Variants in CENPE observed in about 807,000 individuals in gnomAD.
CENPE encodes the protein centromere protein E.
In CENPE, 145 loss-of-function variants were observed where a neutral mutation model predicts 336.1. The ratio of observed to expected loss-of-function variants is 0.43; its 90% CI spans 0.38 to 0.50. The LOEUF is 0.50. Ranked by LOEUF, CENPE falls within the 20% of genes least tolerant of loss-of-function variation. CENPE has a pLI of 0.00. For missense variants in CENPE, 2,719 were observed against 3,023.3 expected, an observed-to-expected ratio of 0.90 and a Z score of 2.36; for synonymous variants, 1,013 against 984.8, an observed-to-expected ratio of 1.03 and a Z score of -0.54.
intron 24 of CENPE, among the ~76,000 whole-genome samples, chr4:103,154,674 A>G (rs1437636360): frequency 3.3e-5 from 5 of 152,198 alleles, no homozygotes; most frequent in African/African-American, 1.2e-4. Context: ...TTTATTTCAA[A>G]TCTGAACTCA....
rs755694872 is a variant in CENPE at position 103,174,872 on chromosome 4, C to A, written c.1511G>T (p.Arg504Leu). 6.7e-7 allele frequency: 1 copy of A among 1,498,338 alleles called. No individual in the cohort carries two copies. The highest frequency in any genetic ancestry group is 1.4e-5 in the South Asian group (1 of 73,062). The allele number at this position is 1,498,338 out of a possible 1,614,324, so 92.8% of individuals were successfully genotyped here. ...TAATACCAGATTATCATAGTCAGCA[C>A]GAAGTGAGTTCAACTCACTTTCTAT... ...ENIESELNSLRADYDNLVLDY... is the reference protein window; with the variant it reads ...ENIESELNSLLADYDNLVLDY... Residue 504 changes from arginine to leucine, a missense_variant, in exon 16 of 49, where the codon CGT becomes CTT. This residue lies in a region of CENPE where 2,437 missense variants were observed against 2,513.3 expected (regional missense o/e 0.97). Transcript: ENST00000265148.
intron 8 of CENPE, among the ~76,000 whole-genome samples, chr4:103,186,138 C>T (rs775703108): frequency 2.6e-5 from 4 of 152,154 alleles, no homozygotes; most frequent in Non-Finnish European, 5.9e-5. Flanking sequence ...TATAAGCTGG[C>T]ACTTGCACTG....
At chr4:103,176,862 ATAAT>A (rs777271862) in intron 14 of CENPE, 33 bp downstream of exon 14, 1 of 1,481,056 alleles carries the variant, frequency 6.8e-7, no homozygotes, top group East Asian at 2.3e-5. Flanking sequence ...GGATGCTTTT[ATAAT>A]TAAACATAGT....
At position 103,175,992 on chromosome 4, in the gene CENPE, C is replaced by T; in HGVS notation, c.1447G>A (p.Glu483Lys). 6.2e-7 allele frequency: 1 copy of T among 1,606,232 alleles called. No homozygotes were observed. Among genetic ancestry groups the T allele is most frequent in the Non-Finnish European group, 8.5e-7 (1 of 1,175,566 alleles). The change falls in exon 15 of 49, where the codon GAA becomes AAA. Residue 483 changes from glutamate (E) to lysine (K), a missense_variant. Glu to Lys is a moderately conservative substitution (Grantham distance 56). Coordinates refer to ENST00000265148, the MANE Select transcript of CENPE (RefSeq NM_001813.3). ...SNTLDTLSEI[E>K]WNPATKLLNQ... ...AGTAGCTTTGTTGCTGGATTCCATT[C>T]TATCTCACTTAATGTATCAAGAGTG... is the stretch of plus-strand genomic sequence containing the variant.
intron 1 of CENPE, among the ~76,000 whole-genome samples, chr4:103,197,800 TA>T (rs145696074): frequency 1.3e-5 from 2 of 151,516 alleles, no homozygotes; most frequent in Non-Finnish European, 2.9e-5. Flanking sequence ...ACAAAGTCAC[TA>T]AAAAAAAATT....
chr4:103,118,832 G>A (rs1169547471), intron 44 of CENPE, among the ~76,000 whole-genome samples: 4 of 152,146 alleles, frequency 2.6e-5, no homozygotes, highest in African/African-American at 9.7e-5. Flanking sequence ...AGAAATGAGA[G>A]TTCTTAAAAT....
chr4:103,178,267 C>A (rs1019845050), intron 13 of CENPE, among the ~76,000 whole-genome samples: 1 of 152,100 alleles, frequency 6.6e-6, no homozygotes, highest in African/African-American at 2.4e-5. Context: ...GACCGGCTGA[C>A]AAGATAAACT....
intron 25 of CENPE, 64 bp from the exon 26 acceptor site, chr4:103,151,441 A>T (rs1753562759): frequency 8.3e-7 from 1 of 1,208,558 alleles, no homozygotes; most frequent in Non-Finnish European, 1.1e-6. Flanking sequence ...AATCAGGTAA[A>T]ACATCAGCAT....
chr4:103,196,727 CA>C (rs755336122), intron 2 of CENPE, 31 bp downstream of exon 2: 1 of 998,846 alleles, frequency 1.0e-6, no homozygotes, highest in Non-Finnish European at 1.6e-6. Flanking sequence ...AAAAGGATAA[CA>C]AGGTAACTTT....
chr4:103,111,742 C>T (rs1749449588), intron 46 of CENPE, among the ~76,000 whole-genome samples: 9 of 151,916 alleles, frequency 5.9e-5, no homozygotes, highest in Admixed American at 5.2e-4. Flanking sequence ...ATCCTCACTT[C>T]TATTTTTACC....
intron 13 of CENPE, 59 bp downstream of exon 13, chr4:103,180,252 T>G: frequency 6.8e-7 from 1 of 1,476,494 alleles, no homozygotes; most frequent in Non-Finnish European, 9.3e-7. Flanking sequence ...AATAAACATA[T>G]AGAAATACCA....
chr4:103,178,171 ATG>A (rs1404571232), intron 13 of CENPE, among the ~76,000 whole-genome samples: 2 of 151,594 alleles, frequency 1.3e-5, no homozygotes, highest in Non-Finnish European at 2.9e-5. Context: ...TGTCCCTTAC[ATG>A]TACCCTACAC....
chr4:103,148,259 G>A (rs1452328327), intron 28 of CENPE, among the ~76,000 whole-genome samples: 1 of 152,162 alleles, frequency 6.6e-6, no homozygotes, highest in Non-Finnish European at 1.5e-5. Flanking sequence ...AGCTATAAGA[G>A]AAAAACCATA....
intron 11 of CENPE, 141 bp from the exon 12 acceptor site, chr4:103,181,597 AC>A: frequency 1.7e-6 from 1 of 598,464 alleles, no homozygotes; most frequent in Admixed American, 4.1e-5. Context: ...AACAAAGGGA[AC>A]ATTCTATGTC....
intron 44 of CENPE, 148 bp from the exon 45 acceptor site, chr4:103,116,837 T>C (rs1578543686): frequency 2.1e-6 from 1 of 478,848 alleles, no homozygotes; most frequent in East Asian, 3.6e-5. Context: ...CAATTTTAAC[T>C]GAATAACTAG....
intron 22 of CENPE, 61 bp downstream of exon 22, chr4:103,158,949 T>C (rs2125968509): frequency 1.3e-6 from 2 of 1,541,132 alleles, no homozygotes; most frequent in African/African-American, 1.4e-5. Flanking sequence ...CATACATATA[T>C]ACAGAAACCA....
intron 16 of CENPE, among the ~76,000 whole-genome samples, chr4:103,174,463 A>G (rs1036155330): frequency 1.3e-5 from 2 of 152,060 alleles, no homozygotes; most frequent in Non-Finnish European, 2.9e-5. Flanking sequence ...ATGACAATTT[A>G]TTGTATTCTT....
chr4:103,113,162 ACTTAT>A (rs1749709722), intron 46 of CENPE, among the ~76,000 whole-genome samples: 1 of 134,538 alleles, frequency 7.4e-6, no homozygotes, highest in African/African-American at 2.7e-5. Flanking sequence ...GTGTATATAT[ACTTAT>A]AAGTATATAA....
intron 32 of CENPE, 28 bp downstream of exon 32, chr4:103,145,019 CAAA>C (rs369959588): frequency 2.4e-4 from 289 of 1,229,428 alleles, no homozygotes; most frequent in South Asian, 7.8e-4. Context: ...TTTCTGTATC[CAAA>C]AAAAAAAAAA....
Sources: allele counts gnomAD v4.1 joint callset (sites outside exome capture counted in the v4.1 genomes callset), GRCh38; gene constraint gnomAD v4.1.1; regional missense constraint gnomAD v4.1.1; transcripts MANE v1.5; gene names NCBI Gene and HGNC (gene_info 2026-07-23, HGNC 2026-07-21).